Variants in COL8A1 observed in about 807,000 individuals in gnomAD.
The protein encoded by COL8A1 is collagen alpha-1(VIII) chain.
Under a neutral mutation model 42.7 loss-of-function variants are expected in COL8A1, and 21 were observed. The ratio of observed to expected loss-of-function variants is 0.49; its 90% CI spans 0.35 to 0.71. The LOEUF (loss-of-function observed/expected upper bound fraction) is 0.71, where lower values mean the gene tolerates loss of function less well. COL8A1 is among the 30% of genes least tolerant of loss of function. COL8A1 has a pLI of 0.01. For missense variants in COL8A1, 788 were observed against 962.4 expected (o/e 0.82, Z 2.40); for synonymous variants, 367 against 369.1 (o/e 0.99, Z 0.06).
At chr3:99,702,817 G>A (rs1334786612) in intron 1 of COL8A1, among the ~76,000 whole-genome samples, 1 of 152,154 alleles carries the variant, frequency 6.6e-6, no homozygotes, top group African/African-American at 2.4e-5. Context: ...AAAGTGCTGT[G>A]GAGAAAAATA....
chr3:99,672,199 T>C (rs1024393873), intron 1 of COL8A1, among the ~76,000 whole-genome samples: 1 of 152,074 alleles, frequency 6.6e-6, no homozygotes, highest in Non-Finnish European at 1.5e-5. Flanking sequence ...CGTCCTTGTT[T>C]TCAGAAAAGC....
chr3:99,726,172 TGAG>T (rs1940318504), intron 1 of COL8A1, among the ~76,000 whole-genome samples: 1 of 152,204 alleles, frequency 6.6e-6, no homozygotes, highest in African/African-American at 2.4e-5. Flanking sequence ...CCAGTGATGA[TGAG>T]TACTTTTTCA....
chr3:99,666,308 C>A (rs1234654476), intron 1 of COL8A1, among the ~76,000 whole-genome samples: 1 of 152,226 alleles, frequency 6.6e-6, no homozygotes, highest in South Asian at 2.1e-4. Context: ...GACAGTCTTT[C>A]ATCTCTGCTT....
intron 1 of COL8A1, among the ~76,000 whole-genome samples, chr3:99,710,256 A>G (rs905206118): frequency 2.6e-5 from 4 of 152,144 alleles, no homozygotes; most frequent in African/African-American, 7.2e-5. Context: ...TGCCTGCGCT[A>G]CTCACCAAAT....
intron 1 of COL8A1, among the ~76,000 whole-genome samples, chr3:99,693,280 G>T (rs1273842702): frequency 6.6e-6 from 1 of 152,230 alleles, no homozygotes; most frequent in Admixed American, 6.5e-5. Flanking sequence ...TATTGCTTAT[G>T]TATTTACTAT....
Position 99,773,815 on chromosome 3 carries a change from G to GTATATATATATATATATATATATATATTA in COL8A1, c.-3-16842_-3-16841insATATTATATATATATATATATATATATAT, listed in dbSNP as rs1553682062. Among the ~76,000 whole-genome samples, 86 of 35,900 alleles carry GTATATATATATATATATATATATATATTA rather than the reference G, an allele frequency of 2.4e-3. 3 individuals carry two copies. The highest frequency in any genetic ancestry group is 7.8e-3 in the South Asian group (7 of 900). The allele number at this position is 35,900 out of a possible 152,430, so 23.6% of individuals were successfully genotyped here. ...TAAGTAGATGATTATATATATGTGT[G>GTATATATATATATATATATATATATATTA]TATATATATATATATATATATATTT... On this transcript the variant is annotated intron_variant, in intron 2 of 3. Transcript: ENST00000652472.
intron 1 of COL8A1, among the ~76,000 whole-genome samples, chr3:99,710,828 G>A (rs71313564): frequency 0.077 from 11,756 of 152,224 alleles, 568 homozygotes; most frequent in Middle Eastern, 0.11. Flanking sequence ...ATGAGTCCCA[G>A]GTCAATGCTC....
chr3:99,665,280 C>T (rs950303461), intron 1 of COL8A1, among the ~76,000 whole-genome samples: 13 of 152,258 alleles, frequency 8.5e-5, no homozygotes, highest in African/African-American at 2.7e-4. Flanking sequence ...CTCCCTCTCA[C>T]AGAAAAGCTT....
chr3:99,794,627 C>T lies in COL8A1; in HGVS notation c.726C>T (p.Asp242=). The change falls in exon 4 of 4, where the codon GAC becomes GAT. Residue 242 remains aspartate (D), a synonymous_variant. Coordinates refer to ENST00000652472, the MANE Select transcript of COL8A1 (RefSeq NM_020351.4). The surrounding 1 kb of genome is among the most constrained non-coding windows in gnomAD (Gnocchi z 4.3). ...AAGGCCTTCGGGGTCCTAAAGGAGACAAGGGCTTCGGGATGCCAGGTGCGC... is the reference window on the plus strand; with the variant it reads ...AAGGCCTTCGGGGTCCTAAAGGAGATAAGGGCTTCGGGATGCCAGGTGCGC... ...GPQGLRGPKG[D]KGFGMPGAPG... 1 of 1,613,334 alleles carries T rather than the reference C, an allele frequency of 6.2e-7. No homozygotes were observed. The highest frequency in any genetic ancestry group is 8.5e-7 in the Non-Finnish European group (1 of 1,179,748).
intron 1 of COL8A1, among the ~76,000 whole-genome samples, chr3:99,672,100 A>C (rs547203953): frequency 6.6e-6 from 1 of 152,184 alleles, no homozygotes; most frequent in South Asian, 2.1e-4. Context: ...GCAATCTAGA[A>C]CTGGTGAAAC....
chr3:99,679,562 C>A (rs141747091), intron 1 of COL8A1: 88 of 152,244 alleles, frequency 5.8e-4, no homozygotes, highest in Admixed American at 1.9e-3. Flanking sequence ...TTGTTAATAT[C>A]AAATAAAGAG....
intron 1 of COL8A1, among the ~76,000 whole-genome samples, chr3:99,693,072 C>T (rs368342565): frequency 6.6e-6 from 1 of 152,160 alleles, no homozygotes; most frequent in African/African-American, 2.4e-5. Context: ...TGTTTGTAAT[C>T]CCAGCTACTG....
intron 1 of COL8A1, among the ~76,000 whole-genome samples, chr3:99,642,370 C>G (rs1183227272): frequency 6.6e-6 from 1 of 152,132 alleles, no homozygotes; most frequent in Non-Finnish European, 1.5e-5. Context: ...TACTCAAATT[C>G]ATGAAGCCAT....
rs189819705 is a variant in COL8A1, at chr3:99,660,753, C to T, written c.-129+22089C>T. On this transcript the variant is annotated intron_variant, in intron 1 of 3. Coordinates refer to ENST00000652472, the MANE Select transcript of COL8A1 (RefSeq NM_020351.4). The stretch of plus-strand genomic sequence containing the variant: ...TAGAAATAAAGTAAGAGCTTTTTAC[C>T]CTAGGGCTGGGGGCAGAACCAATTT... 7.9e-5 allele frequency among the ~76,000 whole-genome samples: 12 copies of T among 152,126 alleles called. No individual in the cohort carries two copies. The East Asian group carries it at 2.3e-3, about 29-fold the overall frequency.
intron 1 of COL8A1, among the ~76,000 whole-genome samples, chr3:99,652,742 G>A (rs1937886796): frequency 6.6e-6 from 1 of 152,182 alleles, no homozygotes; most frequent in South Asian, 2.1e-4. Flanking sequence ...CTAGTCAGCA[G>A]GAATAGTTTT....
At chr3:99,767,717 T>A (rs1370944278) in intron 2 of COL8A1, among the ~76,000 whole-genome samples, 1 of 152,204 alleles carries the variant, frequency 6.6e-6, no homozygotes, top group Admixed American at 6.5e-5. Context: ...GATCAACATA[T>A]AAGGCATCCT....
intron 2 of COL8A1, among the ~76,000 whole-genome samples, chr3:99,789,813 G>A (rs778579265): frequency 6.6e-6 from 1 of 152,108 alleles, no homozygotes; most frequent in Non-Finnish European, 1.5e-5. Context: ...GACAAAGATA[G>A]ACTTTAATGG....
At position 99,704,211 on chromosome 3, in the gene COL8A1, C is replaced by CT. The variant is rs533254002; in HGVS notation, c.-128-40679dup. 3.0e-4 allele frequency among the ~76,000 whole-genome samples: 46 copies of CT among 152,104 alleles called. No homozygotes were observed. In the East Asian group the frequency reaches 8.7e-3, roughly 29 times the overall value. ...TTAAGAATGATTTTTTTCTCGTTCA[C>CT]TTTTTTTAAAGATTGTCTAAAAATT... On this transcript the variant is annotated intron_variant, in intron 1 of 3. Transcript: ENST00000652472.
At chr3:99,786,125 T>C (rs1201229677) in intron 2 of COL8A1, among the ~76,000 whole-genome samples, 1 of 152,160 alleles carries the variant, frequency 6.6e-6, no homozygotes, top group East Asian at 1.9e-4. Context: ...AAGATACATC[T>C]CTCAACCTTC....
Sources: gnomAD v4.1 joint callset for allele counts (sites outside exome capture counted in the v4.1 genomes callset) on GRCh38, gnomAD v4.1.1 for gene constraint, Gnocchi (gnomAD v3.1) non-coding constraint, MANE v1.5 for transcripts, NCBI Gene and HGNC (gene_info 2026-07-23, HGNC 2026-07-21) for gene names.